TNRC6C: variants seen among roughly 807,000 people sequenced by gnomAD.
TNRC6C encodes trinucleotide repeat containing adaptor 6C.
In TNRC6C, 20 loss-of-function variants were observed where a neutral mutation model predicts 153.7. That is an observed-to-expected ratio of 0.13 (90% confidence interval 0.09 to 0.19). The LOEUF (loss-of-function observed/expected upper bound fraction) is 0.19, where lower values mean the gene tolerates loss of function less well. Among genes scored for constraint, TNRC6C ranks in the 10% least tolerant of loss-of-function variants. The probability of loss-of-function intolerance (pLI) is 1.00; values close to 1 mark genes in which losing one functional copy is unlikely to be tolerated. For synonymous variants in TNRC6C, 811 were observed against 841.4 expected (o/e 0.96, Z 0.63); for missense variants, 1,987 against 2,172.0 (o/e 0.91, Z 1.69).
At position 78,098,561 on chromosome 17, in the gene TNRC6C, C is replaced by T. The variant is rs368636367; in HGVS notation, c.4501+24C>T. On this transcript the variant is annotated intron_variant, in intron 17 of 19. Transcript: ENST00000301624. ...GGGTAAGCTCCATGCTCCTCGTGTT[C>T]CGATGGGGGCCTTACCCTTTAGGGG... 13 of 1,601,444 alleles carry T rather than the reference C, an allele frequency of 8.1e-6. No homozygotes were observed. The African/African-American group carries it at 1.6e-4, about 20-fold the overall frequency.
chr17:78,069,061 T>G (rs917500468), intron 5 of TNRC6C, among the ~76,000 whole-genome samples: 8 of 152,182 alleles, frequency 5.3e-5, no homozygotes, highest in Non-Finnish European at 1.2e-4. Context: ...AAAATTTTTT[T>G]GTGTCAATAG....
intron 11 of TNRC6C, among the ~76,000 whole-genome samples, chr17:78,085,259 G>C (rs2073260060): frequency 6.6e-6 from 1 of 152,156 alleles, no homozygotes; most frequent in African/African-American, 2.4e-5. Context: ...TAGTGTGAAA[G>C]ACATCAAGAA....
Position 78,007,441 on chromosome 17 carries a change from T to C in TNRC6C, c.-546+2362T>C, listed in dbSNP as rs568726548. On this transcript the variant is annotated intron_variant, in intron 1 of 19. Transcript: ENST00000301624. ...ACCAAAATTCATTGCCTGAGAAATA[T>C]TGGTTCCAACTTTCTGACTGGACAC... Among the ~76,000 whole-genome samples, 17 of 152,358 alleles carry C rather than the reference T, an allele frequency of 1.1e-4. 1 individual carries two copies. The highest frequency in any genetic ancestry group is 9.1e-4 in the Admixed American group (14 of 15,302).
intron 17 of TNRC6C, among the ~76,000 whole-genome samples, chr17:78,100,915 A>G (rs1222036636): frequency 6.6e-6 from 1 of 151,630 alleles, no homozygotes. Flanking sequence ...AGCTGGGACT[A>G]CAGGTGCCTG....
chr17:78,059,549 T>C (rs1251547629), intron 3 of TNRC6C, among the ~76,000 whole-genome samples: 2 of 152,062 alleles, frequency 1.3e-5, no homozygotes, highest in African/African-American at 4.8e-5. Context: ...ATGAAGACAG[T>C]TGAAAATACA....
chr17:78,034,973 T>C (rs1487868960), intron 2 of TNRC6C, among the ~76,000 whole-genome samples: 1 of 152,136 alleles, frequency 6.6e-6, no homozygotes, highest in African/African-American at 2.4e-5. Flanking sequence ...ATAACGTCTC[T>C]GAGCTTTCTA....
At chr17:78,028,062 ATTT>A (rs913660135) in intron 1 of TNRC6C, among the ~76,000 whole-genome samples, 4 of 151,142 alleles carry the variant, frequency 2.6e-5, no homozygotes, top group Admixed American at 6.6e-5. Flanking sequence ...TGCCCGGCTA[ATTT>A]TTTTTTGTAT....
At position 78,093,769 on chromosome 17, in the gene TNRC6C, G is replaced by C; in HGVS notation, c.4306+6G>C. On this transcript the variant is annotated splice_donor_region_variant and intron_variant, in intron 16 of 19. Transcript: ENST00000301624. ...CTACCTCCTCAAGAGTGGAGGTGAG[G>C]GTGCTGCTCTTCCTGCCTCTGCATG... is the stretch of plus-strand genomic sequence containing the variant. 1 of 1,613,604 alleles carries C rather than the reference G, an allele frequency of 6.2e-7. No individual in the cohort carries two copies. The highest frequency in any genetic ancestry group is 8.5e-7 in the Non-Finnish European group (1 of 1,179,796).
intron 1 of TNRC6C, among the ~76,000 whole-genome samples, chr17:78,006,670 T>G (rs763099439): frequency 9.3e-5 from 14 of 151,112 alleles, no homozygotes; most frequent in Non-Finnish European, 1.8e-4. Flanking sequence ...TAGTACCAGC[T>G]ATATTCTTCA....
At chr17:78,072,740 C>T (rs913234642) in intron 6 of TNRC6C, among the ~76,000 whole-genome samples, 4 of 152,140 alleles carry the variant, frequency 2.6e-5, no homozygotes, top group African/African-American at 7.2e-5. Flanking sequence ...CTAATAGTTA[C>T]ATTTTAAAAA....
At chr17:78,051,538 G>T in intron 3 of TNRC6C, 90 bp downstream of exon 5, 1 of 1,249,862 alleles carries the variant, frequency 8.0e-7, no homozygotes, top group East Asian at 2.8e-5. Context: ...TCCGAGTAGT[G>T]TTTTTTATAG....
At chr17:78,073,151 A>G in intron 7 of TNRC6C, 57 bp downstream of exon 9, 2 of 1,444,636 alleles carry the variant, frequency 1.4e-6, no homozygotes, top group Middle Eastern at 1.7e-4. Context: ...TTTACTTTCC[A>G]GAAGCATTTG....
At chr17:78,106,197 T>G (rs541452484) in exon 20 of TNRC6C, 1 of 152,088 alleles carries the variant, frequency 6.6e-6, no homozygotes, top group East Asian at 1.9e-4. Flanking sequence ...TCCCACCTGT[T>G]TACAGACCTT....
At chr17:78,006,953 C>T (rs2071528973) in intron 1 of TNRC6C, among the ~76,000 whole-genome samples, 1 of 150,368 alleles carries the variant, frequency 6.7e-6, no homozygotes. Context: ...CTCAGCATCA[C>T]CCCACCCCCA....
upstream of TNRC6C, among the ~76,000 whole-genome samples, chr17:78,004,686 C>T (rs889822054): frequency 6.6e-6 from 1 of 152,100 alleles, no homozygotes; most frequent in Non-Finnish European, 1.5e-5. Context: ...AATAAAAGCC[C>T]TACTGTAAAC....
At chr17:78,051,084 C>A in exon 3 of TNRC6C, 1 of 1,601,958 alleles carries the variant, frequency 6.2e-7, no homozygotes. Flanking sequence ...CCCAAGACAA[C>A]AATGTGAGTA....
At chr17:78,077,103 CCT>C (rs2073098528) in intron 8 of TNRC6C, 80 bp from the exon 11 acceptor site, 2 of 1,477,174 alleles carry the variant, frequency 1.4e-6, no homozygotes. Flanking sequence ...ATCCACGCCT[CCT>C]CTGTTTCCTT....
At chr17:77,958,350 A>T (rs1026644167), upstream of TNRC6C, among the ~76,000 whole-genome samples, 1 of 149,724 alleles carries the variant, frequency 6.7e-6, no homozygotes, top group African/African-American at 2.5e-5. Context: ...TCTCCACGTA[A>T]CCCCCCCGAG....
Position 77,961,037 on chromosome 17 carries a change from A to G in TNRC6C, c.-38+1769A>G, listed in dbSNP as rs780005382. Among the ~76,000 whole-genome samples, 67 of 152,190 alleles carry G rather than the reference A, an allele frequency of 4.4e-4. 1 individual carries two copies. Among genetic ancestry groups the G allele is most frequent in the Admixed American group, 1.1e-3 (17 of 15,290 alleles). On this transcript the variant is annotated intron_variant, in intron 1 of 22. Transcript: ENST00000636222. ...AGAAATTGATAGCTCAGAAAACGGT[A>G]ATAGTAAACACACACACACACTCGT...
Sources: gnomAD v4.1 joint callset for allele counts (sites outside exome capture counted in the v4.1 genomes callset) on GRCh38, gnomAD v4.1.1 for gene constraint, MANE v1.5 for transcripts, NCBI Gene and HGNC (gene_info 2026-07-23, HGNC 2026-07-21) for gene names.